TMTC4: variants seen among roughly 807,000 people sequenced by gnomAD.
The protein encoded by TMTC4 is protein O-mannosyl-transferase TMTC4.
A neutral mutation model predicts 86.0 loss-of-function variants in TMTC4; 65 were observed. The ratio of observed to expected loss-of-function variants is 0.76; its 90% CI spans 0.62 to 0.93. The LOEUF (loss-of-function observed/expected upper bound fraction) is 0.93. Among genes scored for constraint, TMTC4 ranks in the 40% least tolerant of loss-of-function variants. The probability of loss-of-function intolerance (pLI) is 0.00; values close to 1 mark genes in which losing one functional copy is unlikely to be tolerated. For synonymous variants in TMTC4, 379 were observed against 382.5 expected (o/e 0.99, Z 0.11); for missense variants, 866 against 948.1 (o/e 0.91, Z 1.14).
Position 100,642,197 on chromosome 13 carries a change from G to GTTGC in TMTC4, c.741+10_741+13dup. 6.2e-7 allele frequency: 1 copy of GTTGC among 1,613,644 alleles called. No individual in the cohort carries two copies. The highest frequency in any genetic ancestry group is 8.5e-7 in the Non-Finnish European group (1 of 1,179,634). On this transcript the variant is annotated intron_variant, in intron 7 of 18. Coordinates refer to ENST00000342624, the MANE Select transcript of TMTC4 (RefSeq NM_032813.5). ...CACAGAAAAAGCAGGCCCCAGCCAT[G>GTTGC]TTGCGGCTCTCACCAGCACAGTGAT...
chr13:100,663,129 G>T lies in TMTC4; in HGVS notation c.387C>A (p.Val129=). Residue 129 remains valine (V), a synonymous_variant, in exon 5 of 19, where the codon GTC becomes GTA. Coordinates refer to ENST00000342624, the MANE Select transcript of TMTC4 (RefSeq NM_032813.5). ...GGFHPVGFHV[V]NILLHSGISV... The stretch of plus-strand genomic sequence containing the variant: ...AGATGCCACTGTGCAGGAGGATGTT[G>T]ACCACGTGAAAGCCCACGGGGTGGA... 1 of 1,614,174 alleles carries T rather than the reference G, an allele frequency of 6.2e-7. No individual in the cohort carries two copies.
intron 12 of TMTC4, among the ~76,000 whole-genome samples, chr13:100,627,294 C>T (rs957613987): frequency 1.3e-5 from 2 of 152,176 alleles, no homozygotes; most frequent in South Asian, 2.1e-4. Flanking sequence ...GCCACGAGGC[C>T]GGCGCGGGGC....
chr13:100,667,530 T>C (rs1012213225), intron 3 of TMTC4, among the ~76,000 whole-genome samples: 1 of 152,180 alleles, frequency 6.6e-6, no homozygotes. Flanking sequence ...AAATAAAATA[T>C]ATGCAAATCA....
intron 2 of TMTC4, among the ~76,000 whole-genome samples, chr13:100,669,510 T>G (rs1886806006): frequency 6.6e-6 from 1 of 152,194 alleles, no homozygotes; most frequent in African/African-American, 2.4e-5. Context: ...TGACCTTCAA[T>G]CCTGGTGAAA....
At chr13:100,630,965 T>C (rs9300612) in intron 12 of TMTC4, among the ~76,000 whole-genome samples, 50,061 of 152,052 alleles carry the variant, frequency 0.33, 8,572 homozygotes, top group East Asian at 0.59. Flanking sequence ...TCCTATGGGT[T>C]AGGTGGAGGG....
chr13:100,655,016 A>ATTTTTTTTTTTTTTTTTTTTTTTTTTTTT lies in TMTC4; in HGVS notation c.640+1364_640+1365insAAAAAAAAAAAAAAAAAAAAAAAAAAAAA, dbSNP rs35965658. ...GTCTTTGAGAAAAGCCACAACGCCT[A>ATTTTTTTTTTTTTTTTTTTTTTTTTTTTT]TTTTTTTTTTTTTTTTTTTTTGTGA... On this transcript the variant is annotated intron_variant, in intron 6 of 18. Coordinates refer to ENST00000342624, the MANE Select transcript of TMTC4 (RefSeq NM_032813.5). Among the ~76,000 whole-genome samples the ATTTTTTTTTTTTTTTTTTTTTTTTTTTTT allele has an allele frequency of 1.7e-5, 2 of 118,656 alleles. 1 individual carries two copies. 77.8% of individuals were successfully genotyped at this position (118,656 alleles called of 152,430 possible).
At position 100,604,661 on chromosome 13, in the gene TMTC4, G is replaced by A. The variant is rs549724252; in HGVS notation, c.*333C>T. ...AGTTTAATAGTGCTAGTCCATACACGACAAGGCTCAGATCCCAAATGTAAG... is the reference window on the plus strand; with the variant it reads ...AGTTTAATAGTGCTAGTCCATACACAACAAGGCTCAGATCCCAAATGTAAG... On this transcript the variant is annotated 3_prime_UTR_variant, in exon 19 of 19. Transcript: ENST00000342624. 66 of 193,242 alleles carry A rather than the reference G, an allele frequency of 3.4e-4. No individual in the cohort carries two copies. Among genetic ancestry groups the A allele is most frequent in the African/African-American group, 1.3e-3 (56 of 42,436 alleles). The allele number at this position is 193,242 out of a possible 1,614,324, so 12.0% of individuals were successfully genotyped here. A position where few individuals can be genotyped will look rare whatever the true frequency, so the allele number is the denominator to read the frequency against.
chr13:100,672,973 C>T (rs1266754223), intron 1 of TMTC4, among the ~76,000 whole-genome samples: 1 of 152,198 alleles, frequency 6.6e-6, no homozygotes, highest in Non-Finnish European at 1.5e-5. Flanking sequence ...GAGAGACCCA[C>T]TGTGGCCTCT....
In TMTC4 at chr13:100,612,449, G is replaced by C; in HGVS notation, c.2013C>G (p.His671Gln). The C allele has an allele frequency of 6.2e-7, 1 of 1,611,488 alleles. No individual in the cohort carries two copies. ...REALELIPND[H>Q]SLMFSLANVL... ...CGTTTGCCAACGAGAACATGAGAGA[G>C]TGATCATTAGGTATTAATTCCAGTG... Residue 671 changes from histidine (H) to glutamine (Q), a missense_variant, in exon 17 of 19, where the codon CAC (histidine) becomes CAG (glutamine). By Grantham distance (24) the His-to-Gln change is conservative. Transcript: ENST00000342624.
At chr13:100,620,493 C>T (rs1347533944) in intron 15 of TMTC4, among the ~76,000 whole-genome samples, 1 of 152,162 alleles carries the variant, frequency 6.6e-6, no homozygotes, top group Non-Finnish European at 1.5e-5. Flanking sequence ...ATAGGATTCC[C>T]TTTAATCTCT....
rs1876609122 is a variant in TMTC4 at position 100,606,462 on chromosome 13, AT to A, written c.2065-36del. ...GAGAAACATAAAAAGGAAGATATTT[AT>A]TGTACATGAAGCAAAAGCAGTTCCC... On this transcript the variant is annotated intron_variant, in intron 17 of 18. Coordinates refer to ENST00000342624, the MANE Select transcript of TMTC4 (RefSeq NM_032813.5). The A allele has an allele frequency of 3.8e-6, 6 of 1,569,054 alleles. No homozygotes were observed. The Admixed American group carries it at 1.0e-4, about 27-fold the overall frequency.
At chr13:100,658,198 C>T (rs1000723954) in intron 5 of TMTC4, among the ~76,000 whole-genome samples, 1 of 152,140 alleles carries the variant, frequency 6.6e-6, no homozygotes, top group Non-Finnish European at 1.5e-5. Flanking sequence ...CAGAACAGAG[C>T]CTGGTACAGG....
intron 12 of TMTC4, 135 bp downstream of exon 12, chr13:100,634,667 ACAT>A: frequency 8.9e-7 from 1 of 1,120,500 alleles, no homozygotes; most frequent in South Asian, 2.2e-5. Context: ...AAAAAACCAT[ACAT>A]AACAAAGAAA....
At chr13:100,659,804 G>C (rs1316390009) in intron 5 of TMTC4, among the ~76,000 whole-genome samples, 1 of 149,916 alleles carries the variant, frequency 6.7e-6, no homozygotes, top group African/African-American at 2.5e-5. Context: ...AGGCCAGGAG[G>C]GGGCAAGACT....
chr13:100,630,355 A>G (rs752763775), intron 12 of TMTC4, among the ~76,000 whole-genome samples: 13 of 152,196 alleles, frequency 8.5e-5, no homozygotes, highest in South Asian at 2.1e-4. Context: ...AGGACTCACA[A>G]GCAGAGAAAT....
rs571174593 is a variant in TMTC4 at position 100,604,739 on chromosome 13, T to C, written c.*255A>G. ...TAATTTTTTCTCTTTTTCTGTTTAA[T>C]TAAAAAAGACATTTTTGGAATTTTA... On this transcript the variant is annotated 3_prime_UTR_variant, in exon 19 of 19. Coordinates refer to ENST00000342624, the MANE Select transcript of TMTC4 (RefSeq NM_032813.5). The C allele has an allele frequency of 3.0e-6, 1 of 332,404 alleles. No homozygotes were observed. Among genetic ancestry groups the C allele is most frequent in the East Asian group, 6.1e-5 (1 of 16,498 alleles). 20.6% of individuals were successfully genotyped at this position (332,404 alleles called of 1,614,324 possible). A position where few individuals can be genotyped will look rare whatever the true frequency, so the allele number is the denominator to read the frequency against.
At position 100,643,952 on chromosome 13, in the gene TMTC4, G is replaced by C. The variant is rs150191212; in HGVS notation, c.641-1641C>G. On this transcript the variant is annotated intron_variant, in intron 6 of 18. Coordinates refer to ENST00000342624, the MANE Select transcript of TMTC4 (RefSeq NM_032813.5). ...AACTGCCTGCTGGGGAAATTAACAA[G>C]TGTTTGTGTGTGTCCTGCAGACCCT... 6.2e-3 allele frequency among the ~76,000 whole-genome samples: 942 copies of C among 152,206 alleles called. 10 individuals carry two copies. Among genetic ancestry groups the C allele is most frequent in the Non-Finnish European group, 9.1e-3 (617 of 67,996 alleles).
intron 7 of TMTC4, among the ~76,000 whole-genome samples, chr13:100,641,813 C>G (rs1227824898): frequency 6.6e-6 from 1 of 152,186 alleles, no homozygotes; most frequent in Non-Finnish European, 1.5e-5. Flanking sequence ...AAACTATCCA[C>G]CAGCCTTTCT....
At chr13:100,642,050 T>C (rs150558692) in intron 7 of TMTC4, among the ~76,000 whole-genome samples, 161 bp downstream of exon 7, 120 of 152,316 alleles carry the variant, frequency 7.9e-4, no homozygotes, top group Non-Finnish European at 1.5e-3. Flanking sequence ...GCCAGAATTG[T>C]GACAGCGAAA....
Sources: gnomAD v4.1 joint callset for allele counts (sites outside exome capture counted in the v4.1 genomes callset) on GRCh38, gnomAD v4.1.1 for gene constraint, MANE v1.5 for transcripts, NCBI Gene and HGNC (gene_info 2026-07-23, HGNC 2026-07-21) for gene names.